Variants in GRXCR2 observed in about 807,000 individuals in gnomAD.
The protein encoded by GRXCR2 is glutaredoxin and cysteine rich domain containing 2, also known as glutaredoxin domain-containing cysteine-rich protein 2.
In GRXCR2, 23 loss-of-function variants were observed where a neutral mutation model predicts 24.8. That is an observed-to-expected ratio of 0.93 (90% confidence interval 0.67 to 1.32). The LOEUF is 1.32. GRXCR2 is among the 40% of genes most tolerant of loss of function. GRXCR2 has a pLI of 0.00. For synonymous variants in GRXCR2, 130 were observed against 116.1 expected, an observed-to-expected ratio of 1.12 and a Z score of -0.77; for missense variants, 315 against 303.4, an observed-to-expected ratio of 1.04 and a Z score of -0.28.
At chr5:145,877,941 G>A (rs1469723647), upstream of GRXCR2, among the ~76,000 whole-genome samples, 1 of 152,240 alleles carries the variant, frequency 6.6e-6, no homozygotes, top group African/African-American at 2.4e-5. Context: ...CAACAGACCT[G>A]CAGCTGAGAG....
chr5:145,929,050 T>C (rs1757443417), intron 2 of GRXCR2, among the ~76,000 whole-genome samples: 1 of 151,560 alleles, frequency 6.6e-6, no homozygotes, highest in African/African-American at 2.4e-5. Context: ...ATTCTCCTAG[T>C]CTTTATATTA....
chr5:145,917,494 A>C (rs558594369), intron 2 of GRXCR2, among the ~76,000 whole-genome samples: 43 of 152,156 alleles, frequency 2.8e-4, no homozygotes, highest in Non-Finnish European at 5.4e-4. Flanking sequence ...AAACACCATC[A>C]GAATGTCTGC....
chr5:145,858,143 G>A (rs1490065025), downstream of GRXCR2, among the ~76,000 whole-genome samples: 1 of 151,908 alleles, frequency 6.6e-6, no homozygotes, highest in Non-Finnish European at 1.5e-5. Flanking sequence ...ACGAAACCCC[G>A]TCTCTACTAA....
intron 1 of GRXCR2, among the ~76,000 whole-genome samples, chr5:145,871,248 A>G (rs1756527647): frequency 6.6e-6 from 1 of 152,192 alleles, no homozygotes. Flanking sequence ...GTATAAGTAC[A>G]AGACTAGCCA....
chr5:145,920,544 T>C (rs1221828570), intron 2 of GRXCR2, among the ~76,000 whole-genome samples: 3 of 152,224 alleles, frequency 2.0e-5, no homozygotes, highest in African/African-American at 7.2e-5. Flanking sequence ...TGAGTACTTA[T>C]ACCAGGATTG....
chr5:145,889,190 AAG>A (rs1756824025), intron 2 of GRXCR2, among the ~76,000 whole-genome samples: 1 of 145,040 alleles, frequency 6.9e-6, no homozygotes, highest in Non-Finnish European at 1.5e-5. Flanking sequence ...GAAAGAAAGA[AAG>A]AAAGAAAGAA....
intron 2 of GRXCR2, 103 bp from the exon 3 acceptor site, chr5:145,860,018 A>G (rs1756307803): frequency 5.5e-6 from 5 of 910,826 alleles, no homozygotes; most frequent in African/African-American, 1.7e-5. Context: ...GGGGCAGAAT[A>G]GAGGAAAATG....
chr5:145,864,769 T>A (rs963285700), intron 2 of GRXCR2, among the ~76,000 whole-genome samples: 1 of 152,134 alleles, frequency 6.6e-6, no homozygotes, highest in African/African-American at 2.4e-5. Flanking sequence ...TATTACTCAG[T>A]CTCAAGTACT....
At chr5:145,917,055 T>C (rs1031422522) in intron 2 of GRXCR2, among the ~76,000 whole-genome samples, 7 of 144,796 alleles carry the variant, frequency 4.8e-5, no homozygotes, top group Non-Finnish European at 1.0e-4. Flanking sequence ...ATTTATTTCC[T>C]AAGCATCTTT....
chr5:145,908,574 T>G (rs904816230), intron 2 of GRXCR2, among the ~76,000 whole-genome samples: 1 of 152,240 alleles, frequency 6.6e-6, no homozygotes, highest in Non-Finnish European at 1.5e-5. Flanking sequence ...GGAAGAAAAT[T>G]GGACCTATTG....
At chr5:145,872,367 C>T (rs60948149) in intron 1 of GRXCR2, among the ~76,000 whole-genome samples, 1,582 of 152,298 alleles carry the variant, frequency 0.01, 34 homozygotes, top group African/African-American at 0.036. Flanking sequence ...CAGGAAAACT[C>T]AGTCAAAGAT....
intron 2 of GRXCR2, among the ~76,000 whole-genome samples, chr5:145,927,209 A>G (rs1757411433): frequency 6.6e-6 from 1 of 152,186 alleles, no homozygotes; most frequent in African/African-American, 2.4e-5. Context: ...TCCTAATTGA[A>G]TACCCTTTAT....
At chr5:145,862,924 T>C (rs1756365434) in intron 2 of GRXCR2, among the ~76,000 whole-genome samples, 1 of 152,230 alleles carries the variant, frequency 6.6e-6, no homozygotes, top group Admixed American at 6.5e-5. Flanking sequence ...CTGGCTATCA[T>C]GAGTCCTCAA....
At position 145,872,703 on chromosome 5, in the gene GRXCR2, C is replaced by G. The variant is rs1223914024; in HGVS notation, c.266G>C (p.Arg89Thr). The G allele has an allele frequency of 6.2e-7, 1 of 1,614,144 alleles. No homozygotes were observed. The highest frequency in any genetic ancestry group is 8.5e-7 in the Non-Finnish European group (1 of 1,179,980). Residue 89 changes from arginine (R) to threonine (T), a missense_variant, in exon 1 of 3, where the codon AGA (arginine) becomes ACA (threonine). By Grantham distance (71) the Arg-to-Thr change is moderately conservative. Coordinates refer to ENST00000377976, the MANE Select transcript of GRXCR2 (RefSeq NM_001080516.2). ...TGCCAAGGTGTAGGCATTACCCTCT[C>G]TAAACACACTGATCCTCTGAGCAGT... Reference protein sequence around the residue: ...KLTAQRISVFREGNAYTLAGG... With the variant: ...KLTAQRISVFTEGNAYTLAGG...
At chr5:145,901,166 G>A (rs1225439928) in intron 2 of GRXCR2, among the ~76,000 whole-genome samples, 2 of 137,122 alleles carry the variant, frequency 1.5e-5, no homozygotes. Flanking sequence ...GGAGGGAGGG[G>A]GGCAAGAGTT....
rs543141970 is a variant in GRXCR2 at position 145,881,020 on chromosome 5, G to C, written c.-69-14292C>G. On this transcript the variant is annotated intron_variant, in intron 2 of 3. Coordinates refer to the GRXCR2 transcript ENST00000639411. ...ACTCTCAATAAACTAGGTATGGATT[G>C]AATGTATCTCAAAATAATAAGAGCT... Among the ~76,000 whole-genome samples, 14 of 152,308 alleles carry C rather than the reference G, an allele frequency of 9.2e-5. No homozygotes were observed. The East Asian group carries it at 2.7e-3, about 29-fold the overall frequency.
chr5:145,906,940 G>A (rs940812396), intron 2 of GRXCR2, among the ~76,000 whole-genome samples: 3 of 152,178 alleles, frequency 2.0e-5, no homozygotes, highest in Non-Finnish European at 2.9e-5. Flanking sequence ...GGGAGGCTTG[G>A]CTGAGAAGGG....
chr5:145,886,480 T>C (rs1347556035), intron 2 of GRXCR2, among the ~76,000 whole-genome samples: 5 of 152,188 alleles, frequency 3.3e-5, no homozygotes, highest in African/African-American at 1.2e-4. Context: ...AATCTGGGAC[T>C]TCATTAAAAA....
intron 2 of GRXCR2, among the ~76,000 whole-genome samples, chr5:145,905,742 T>C (rs1757082634): frequency 6.6e-6 from 1 of 152,164 alleles, no homozygotes; most frequent in Non-Finnish European, 1.5e-5. Context: ...TTGGCTTTTA[T>C]ATGCATAGAG....
Sources: gnomAD v4.1 joint callset for allele counts (sites outside exome capture counted in the v4.1 genomes callset) on GRCh38, gnomAD v4.1.1 for gene constraint, MANE v1.5 for transcripts, NCBI Gene and HGNC (gene_info 2026-07-23, HGNC 2026-07-21) for gene names.